PPME1: variants seen among roughly 807,000 people sequenced by gnomAD.
The protein encoded by PPME1 is protein phosphatase methylesterase 1.
In PPME1, 17 loss-of-function variants were observed where a neutral mutation model predicts 56.9. The observed-to-expected ratio is 0.30, with a 90% CI of 0.20 to 0.45. The LOEUF (loss-of-function observed/expected upper bound fraction) is 0.45, where lower values mean the gene tolerates loss of function less well. Ranked by LOEUF, PPME1 falls within the 20% of genes least tolerant of loss-of-function variation. PPME1 has a pLI of 1.00. For missense variants in PPME1, 357 were observed against 483.2 expected (o/e 0.74, Z 2.45); for synonymous variants, 122 against 156.2 (o/e 0.78, Z 1.63).
intron 9 of PPME1, 121 bp downstream of exon 9, chr11:74,239,377 A>G: frequency 5.6e-6 from 8 of 1,419,474 alleles, no homozygotes; most frequent in Non-Finnish European, 7.5e-6. Flanking sequence ...GGGAGCCAAG[A>G]CACTATCATA....
chr11:74,200,422 C>CGA (rs996636870), intron 1 of PPME1, among the ~76,000 whole-genome samples: 1 of 151,820 alleles, frequency 6.6e-6, no homozygotes, highest in Non-Finnish European at 1.5e-5. Context: ...CGCTCTGTCA[C>CGA]CCAGGCTGGA....
intron 1 of PPME1, 47 bp from the exon 2 acceptor site, chr11:74,203,681 C>G (rs1858236316): frequency 6.9e-7 from 1 of 1,453,718 alleles, no homozygotes; most frequent in Non-Finnish European, 9.6e-7. Context: ...GATTTTATCT[C>G]TTTATGCATA....
intron 7 of PPME1, among the ~76,000 whole-genome samples, chr11:74,235,350 C>A (rs746085786): frequency 6.6e-6 from 1 of 152,026 alleles, no homozygotes; most frequent in South Asian, 2.1e-4. Context: ...TATTCTGTCA[C>A]GCTCCCCTTT....
At chr11:74,208,142 T>A (rs1375660136) in intron 3 of PPME1, among the ~76,000 whole-genome samples, 1 of 151,804 alleles carries the variant, frequency 6.6e-6, no homozygotes, top group East Asian at 1.9e-4. Context: ...TGAAACCCCG[T>A]CTTTACTAAA....
intron 3 of PPME1, among the ~76,000 whole-genome samples, chr11:74,218,413 A>G (rs139197582): frequency 7.2e-5 from 11 of 152,310 alleles, no homozygotes; most frequent in East Asian, 1.9e-4. Context: ...TGAAATTTCT[A>G]TAGAACCACA....
chr11:74,251,871 T>C (rs776302862), intron 13 of PPME1, 156 bp downstream of exon 13: 11 of 957,774 alleles, frequency 1.1e-5, no homozygotes, highest in Middle Eastern at 4.2e-4. Context: ...CATGTCTGTT[T>C]CTACAAAGCC....
rs767766911 is a variant in PPME1, at chr11:74,253,525, C to T, written c.*15C>T. 5.0e-6 allele frequency: 8 copies of T among 1,602,854 alleles called. No homozygotes were observed. The South Asian group carries it at 6.6e-5, about 13-fold the overall frequency. On this transcript the variant is annotated 3_prime_UTR_variant, in exon 14 of 14. Transcript: ENST00000328257. Reference sequence around the variant, plus strand: ...CTGGCTGTTAGTGACCTGCTGTCCACCCCTCCTCAACATCGAGCTCTGTTG... The same window carrying T: ...CTGGCTGTTAGTGACCTGCTGTCCATCCCTCCTCAACATCGAGCTCTGTTG...
rs369169279 is a variant in PPME1, at chr11:74,219,392, A to G, written c.289-2920A>G. On this transcript the variant is annotated intron_variant, in intron 3 of 13. Coordinates refer to ENST00000328257, the MANE Select transcript of PPME1 (RefSeq NM_016147.3). The stretch of plus-strand genomic sequence containing the variant: ...CGTATAATGCAGCAATCCCGCTACT[A>G]TGTATATAGCCAAAGGAAAGGAAAT... Among the ~76,000 whole-genome samples the G allele has an allele frequency of 3.9e-5, 6 of 152,200 alleles. No homozygotes were observed. In the East Asian group the frequency reaches 5.8e-4, roughly 15 times the overall value.
chr11:74,215,920 A>G (rs764163996), intron 3 of PPME1, among the ~76,000 whole-genome samples: 28 of 152,196 alleles, frequency 1.8e-4, no homozygotes, highest in Non-Finnish European at 4.0e-4. Flanking sequence ...TCATTATATA[A>G]TGATAAGGGG....
chr11:74,181,409 A>G (rs1321799196), intron 1 of PPME1, among the ~76,000 whole-genome samples: 4 of 152,314 alleles, frequency 2.6e-5, no homozygotes, highest in South Asian at 4.1e-4. Context: ...ACTTTAGTTC[A>G]TTCATTTGCT....
At chr11:74,252,692 C>T in intron 13 of PPME1, 1 of 351,772 alleles carries the variant, frequency 2.8e-6, no homozygotes, top group South Asian at 2.1e-5. Context: ...ACCCCTCCCA[C>T]ACACGGTTTT....
intron 10 of PPME1, 51 bp from the exon 11 acceptor site, chr11:74,247,028 T>G: frequency 6.8e-7 from 1 of 1,471,630 alleles, no homozygotes; most frequent in South Asian, 1.2e-5. Context: ...ACTTTTTACT[T>G]AATACGTGAA....
chr11:74,220,771 G>C (rs1858778038), intron 3 of PPME1, among the ~76,000 whole-genome samples: 1 of 152,150 alleles, frequency 6.6e-6, no homozygotes, highest in South Asian at 2.1e-4. Context: ...AAAATGGTTG[G>C]TTAAGTCTAG....
Position 74,179,087 on chromosome 11 carries a change from C to T in PPME1, c.101+7565C>T, listed in dbSNP as rs117225647. Among the ~76,000 whole-genome samples the T allele has an allele frequency of 3.7e-4, 56 of 152,244 alleles. 1 individual carries two copies. Among genetic ancestry groups the T allele is most frequent in the East Asian group, 2.7e-3 (14 of 5,188 alleles). On this transcript the variant is annotated intron_variant, in intron 1 of 13. Transcript: ENST00000328257. ...AAATTCCAATCATTTCAAACCACAC[C>T]GGAAGACCGAAGTTGTTTACTTATC... is the stretch of plus-strand genomic sequence containing the variant.
chr11:74,240,530 ACCT>A (rs1380086896), intron 9 of PPME1, among the ~76,000 whole-genome samples: 1 of 152,208 alleles, frequency 6.6e-6, no homozygotes, highest in African/African-American at 2.4e-5. Flanking sequence ...ACATGTAATG[ACCT>A]ACTCCTTTGC....
chr11:74,174,331 G>A (rs1477305141), intron 1 of PPME1, among the ~76,000 whole-genome samples: 2 of 152,064 alleles, frequency 1.3e-5, no homozygotes, highest in African/African-American at 4.8e-5. Context: ...TGTCATCTGG[G>A]GATACTTATT....
chr11:74,221,114 A>C (rs1001143131), intron 3 of PPME1, among the ~76,000 whole-genome samples: 3 of 152,154 alleles, frequency 2.0e-5, no homozygotes, highest in African/African-American at 7.2e-5. Context: ...TCTGACAGGC[A>C]CCTATGATTG....
chr11:74,214,575 A>G (rs1222239075), intron 3 of PPME1, among the ~76,000 whole-genome samples: 1 of 152,170 alleles, frequency 6.6e-6, no homozygotes, highest in Non-Finnish European at 1.5e-5. Flanking sequence ...AAGCAGAAAG[A>G]GAAAAGAAAC....
intron 9 of PPME1, among the ~76,000 whole-genome samples, chr11:74,245,420 GA>G (rs1337242006): frequency 6.6e-6 from 1 of 151,928 alleles, no homozygotes; most frequent in Non-Finnish European, 1.5e-5. Context: ...AAAATATAGA[GA>G]ATTATTTATT....
Sources: gnomAD v4.1 joint callset for allele counts (sites outside exome capture counted in the v4.1 genomes callset) on GRCh38, gnomAD v4.1.1 for gene constraint, MANE v1.5 for transcripts, NCBI Gene and HGNC (gene_info 2026-07-23, HGNC 2026-07-21) for gene names.